The following ITGA9 variants were observed in gnomAD, a reference collection of about 807,000 sequenced individuals.
The protein encoded by ITGA9 is integrin subunit alpha 9.
In ITGA9, 56 loss-of-function variants were observed where a neutral mutation model predicts 127.8. That is an observed-to-expected ratio of 0.44 (90% CI 0.35 to 0.55). The LOEUF (loss-of-function observed/expected upper bound fraction) is 0.55, where lower values mean the gene tolerates loss of function less well. ITGA9 is among the 20% of genes least tolerant of loss of function. The pLI, the probability that ITGA9 is intolerant of heterozygous loss-of-function variation, is 0.00. For synonymous variants in ITGA9, 508 were observed against 514.5 expected, an observed-to-expected ratio of 0.99 and a Z score of 0.17; for missense variants, 1,196 against 1,347.1, an observed-to-expected ratio of 0.89 and a Z score of 1.76.
intron 6 of ITGA9, among the ~76,000 whole-genome samples, chr3:37,505,762 G>A (rs1161794502): frequency 6.6e-6 from 1 of 152,152 alleles, no homozygotes; most frequent in Non-Finnish European, 1.5e-5. Flanking sequence ...TACAGTACTT[G>A]TCCGAAAGAA....
chr3:37,510,396 A>C, intron 8 of ITGA9, among the ~76,000 whole-genome samples: 1 of 151,416 alleles, frequency 6.6e-6, no homozygotes. Context: ...TCCCTGCCCT[A>C]CTCCTTACTG....
chr3:37,581,515 T>C (rs1699709615), intron 15 of ITGA9, among the ~76,000 whole-genome samples: 1 of 152,196 alleles, frequency 6.6e-6, no homozygotes, highest in African/African-American at 2.4e-5. Context: ...TCTTAGGCCA[T>C]GTTGGATGCT....
chr3:37,574,972 A>G (rs1403887321), intron 15 of ITGA9, among the ~76,000 whole-genome samples: 3 of 152,174 alleles, frequency 2.0e-5, no homozygotes, highest in African/African-American at 7.2e-5. Context: ...TCATCTGTGT[A>G]CAGAGTATAT....
intron 13 of ITGA9, among the ~76,000 whole-genome samples, chr3:37,531,897 G>A (rs1284683623): frequency 6.6e-6 from 1 of 152,202 alleles, no homozygotes; most frequent in Admixed American, 6.5e-5. Context: ...TGTGTACAGA[G>A]CTGGAAGCAC....
intron 26 of ITGA9, among the ~76,000 whole-genome samples, chr3:37,789,348 A>T (rs1335885148): frequency 6.6e-6 from 1 of 152,258 alleles, no homozygotes; most frequent in African/African-American, 2.4e-5. Context: ...ATAAAGGTGC[A>T]GATGTACTGA....
intron 18 of ITGA9, among the ~76,000 whole-genome samples, chr3:37,694,213 A>G (rs1187572017): frequency 1.3e-5 from 2 of 152,218 alleles, no homozygotes; most frequent in Admixed American, 1.3e-4. Flanking sequence ...CGCTTATCAG[A>G]TGGAAACTCG....
chr3:37,591,999 T>C (rs1052105504), intron 15 of ITGA9, among the ~76,000 whole-genome samples: 1 of 152,174 alleles, frequency 6.6e-6, no homozygotes, highest in African/African-American at 2.4e-5. Context: ...CTGAACTTAG[T>C]CATGGGTGGA....
intron 15 of ITGA9, among the ~76,000 whole-genome samples, chr3:37,575,816 G>A (rs1699649221): frequency 1.3e-5 from 2 of 152,128 alleles, no homozygotes. Context: ...CAAAAATAGG[G>A]CTACCTGCAA....
chr3:37,821,583 C>G lies in ITGA9; in HGVS notation c.*2594C>G, dbSNP rs1442871681. ...CAGCTTTGGCCACATGCACTTAGAG[C>G]AACTAACTTGCCTCCTGCCGGGGTG... is the stretch of plus-strand genomic sequence containing the variant. On this transcript the variant is annotated 3_prime_UTR_variant, in exon 28 of 28. Transcript: ENST00000264741. The G allele has an allele frequency of 6.6e-6, 1 of 152,152 alleles. No individual in the cohort carries two copies. The highest frequency in any genetic ancestry group is 1.5e-5 in the Non-Finnish European group (1 of 68,040). 9.4% of individuals were successfully genotyped at this position (152,152 alleles called of 1,614,324 possible). A position where few individuals can be genotyped will look rare whatever the true frequency, so the allele number is the denominator to read the frequency against.
At chr3:37,610,020 G>T (rs1700002006) in intron 15 of ITGA9, among the ~76,000 whole-genome samples, 1 of 152,206 alleles carries the variant, frequency 6.6e-6, no homozygotes, top group Admixed American at 6.5e-5. Flanking sequence ...TTATTACTGG[G>T]TGACAGAGGC....
intron 26 of ITGA9, among the ~76,000 whole-genome samples, chr3:37,789,167 C>T (rs367554021): frequency 1.5e-4 from 23 of 152,076 alleles, no homozygotes; most frequent in East Asian, 1.3e-3. Flanking sequence ...GTCAGCCTTA[C>T]GAGTCAGGAA....
At chr3:37,527,137 A>G (rs1699101651) in intron 13 of ITGA9, among the ~76,000 whole-genome samples, 1 of 152,228 alleles carries the variant, frequency 6.6e-6, no homozygotes, top group Non-Finnish European at 1.5e-5. Context: ...CAGGACAGCA[A>G]TACAGATGCT....
In ITGA9 at chr3:37,481,634, C is replaced by G. The variant is rs776786205; in HGVS notation, c.544+27C>G. 4 of 1,613,942 alleles carry G rather than the reference C, an allele frequency of 2.5e-6. No homozygotes were observed. The African/African-American group carries it at 5.3e-5, about 22-fold the overall frequency. On this transcript the variant is annotated intron_variant, in intron 4 of 27. Transcript: ENST00000264741. Reference sequence around the variant, plus strand: ...TGAGCATGGATTGATTTTTCCTCATCCCCCTACCCACCTCATGCCCTAAGC... The same window carrying G: ...TGAGCATGGATTGATTTTTCCTCATGCCCCTACCCACCTCATGCCCTAAGC...
chr3:37,710,631 T>G (rs1701069353), intron 18 of ITGA9, among the ~76,000 whole-genome samples: 1 of 152,222 alleles, frequency 6.6e-6, no homozygotes, highest in Non-Finnish European at 1.5e-5. Context: ...TTTGTTATTT[T>G]TTATTTTATC....
At chr3:37,544,394 A>C (rs1262619738) in intron 15 of ITGA9, among the ~76,000 whole-genome samples, 2 of 152,224 alleles carry the variant, frequency 1.3e-5, no homozygotes, top group Admixed American at 1.3e-4. Flanking sequence ...ATTTCAGATC[A>C]CCAATGAATA....
intron 26 of ITGA9, among the ~76,000 whole-genome samples, chr3:37,796,432 A>C (rs1697173887): frequency 6.6e-6 from 1 of 152,158 alleles, no homozygotes; most frequent in African/African-American, 2.4e-5. Flanking sequence ...AATGTCTAGC[A>C]CATAGGAGAT....
In ITGA9 at chr3:37,677,135, A is replaced by G. The variant is rs565717645; in HGVS notation, c.1917-6730A>G. ...TCATGGTTTATTTCCTGGGTAATTCATTTACCAGCATGCATTCAGGAGGTG... is the reference window on the plus strand; with the variant it reads ...TCATGGTTTATTTCCTGGGTAATTCGTTTACCAGCATGCATTCAGGAGGTG... On this transcript the variant is annotated intron_variant, in intron 17 of 27. Transcript: ENST00000264741. 9.2e-5 allele frequency among the ~76,000 whole-genome samples: 14 copies of G among 152,202 alleles called. No individual in the cohort carries two copies. The East Asian group carries it at 2.5e-3, about 27-fold the overall frequency.
intron 15 of ITGA9, among the ~76,000 whole-genome samples, chr3:37,612,017 A>G (rs1260673960): frequency 6.6e-6 from 1 of 152,096 alleles, no homozygotes; most frequent in East Asian, 1.9e-4. Flanking sequence ...GGTGATTTTC[A>G]GCCCAGGCCC....
At chr3:37,672,618 A>G (rs1700647918) in intron 17 of ITGA9, among the ~76,000 whole-genome samples, 1 of 152,138 alleles carries the variant, frequency 6.6e-6, no homozygotes, top group Non-Finnish European at 1.5e-5. Flanking sequence ...TAAGCTTTGA[A>G]CAGAAGAAAG....
Sources: gnomAD v4.1 joint callset for allele counts (sites outside exome capture counted in the v4.1 genomes callset) on GRCh38, gnomAD v4.1.1 for gene constraint, MANE v1.5 for transcripts, NCBI Gene and HGNC (gene_info 2026-07-23, HGNC 2026-07-21) for gene names.